RYR2: variants seen among roughly 807,000 people sequenced by gnomAD.
RYR2 encodes cardiac muscle ryanodine receptor-calcium release channel.
Under a neutral mutation model 601.1 loss-of-function variants are expected in RYR2, and 227 were observed. The observed-to-expected ratio is 0.38, with a 90% CI of 0.34 to 0.42. The LOEUF (loss-of-function observed/expected upper bound fraction) is 0.42, where lower values mean the gene tolerates loss of function less well. Among genes scored for constraint, RYR2 ranks in the 10% least tolerant of loss-of-function variants. RYR2 has a pLI of 1.00. For synonymous variants in RYR2, 2,223 were observed against 2,175.1 expected (o/e 1.02, Z -0.61); for missense variants, 4,646 against 6,156.5 (o/e 0.75, Z 8.21).
In RYR2 at chr1:237,759,864, C is replaced by T; in HGVS notation, c.11402+12C>T. 6.3e-7 allele frequency: 1 copy of T among 1,579,444 alleles called. No homozygotes were observed. Among genetic ancestry groups the T allele is most frequent in the Non-Finnish European group, 8.7e-7 (1 of 1,153,388 alleles). Reference sequence around the variant, plus strand: ...ATGCAGTCATGTAGGTAAGGACTCACTTCCTTCTTGGGGGTTCTACTCAGT... The same window carrying T: ...ATGCAGTCATGTAGGTAAGGACTCATTTCCTTCTTGGGGGTTCTACTCAGT... On this transcript the variant is annotated intron_variant, in intron 83 of 104. Coordinates refer to ENST00000366574, the MANE Select transcript of RYR2 (RefSeq NM_001035.3).
At chr1:237,494,498 G>C (rs1012274429) in intron 19 of RYR2, among the ~76,000 whole-genome samples, 6 of 151,974 alleles carry the variant, frequency 3.9e-5, no homozygotes, top group African/African-American at 1.2e-4. Flanking sequence ...AGGATGGGTC[G>C]GCCTCTCCCA....
intron 88 of RYR2, among the ~76,000 whole-genome samples, chr1:237,780,796 A>G (rs958779844): frequency 6.6e-6 from 1 of 152,216 alleles, no homozygotes; most frequent in Non-Finnish European, 1.5e-5. Context: ...TGGTTAATTT[A>G]TCTAACAAAT....
At chr1:237,699,171 T>C in intron 64 of RYR2, 146 bp downstream of exon 64, 2 of 457,872 alleles carry the variant, frequency 4.4e-6, no homozygotes, top group Non-Finnish European at 3.9e-6. Context: ...AAAAACTTTT[T>C]AAAATTAATA....
intron 5 of RYR2, among the ~76,000 whole-genome samples, chr1:237,367,410 T>C (rs1316677448): frequency 6.6e-6 from 1 of 152,218 alleles, no homozygotes; most frequent in Admixed American, 6.5e-5. Flanking sequence ...AAAGTGGTTT[T>C]TCAGCAGTTT....
At chr1:237,503,773 T>G (rs999152593) in intron 22 of RYR2, among the ~76,000 whole-genome samples, 5 of 152,138 alleles carry the variant, frequency 3.3e-5, no homozygotes, top group African/African-American at 1.2e-4. Context: ...AGTGGTGCAA[T>G]CTCGGCTCGC....
chr1:237,044,865 C>T (rs1179630100), intron 1 of RYR2, among the ~76,000 whole-genome samples: 1 of 149,236 alleles, frequency 6.7e-6, no homozygotes, highest in Non-Finnish European at 1.5e-5. Flanking sequence ...TAGTATAGTT[C>T]CCACATTGAA....
At chr1:237,588,422 T>A (rs887341595) in intron 29 of RYR2, among the ~76,000 whole-genome samples, 1 of 152,208 alleles carries the variant, frequency 6.6e-6, no homozygotes, top group African/African-American at 2.4e-5. Context: ...TGTTGGCTTA[T>A]TCTTAGGATC....
At chr1:237,677,321 T>G (rs938537755) in intron 60 of RYR2, among the ~76,000 whole-genome samples, 1 of 152,304 alleles carries the variant, frequency 6.6e-6, no homozygotes, top group African/African-American at 2.4e-5. Flanking sequence ...TATTAATATA[T>G]GCATGAACCT....
Position 237,550,545 on chromosome 1 carries a change from A to T in RYR2, c.3068A>T (p.Asp1023Val). The T allele has an allele frequency of 6.2e-7, 1 of 1,608,804 alleles. No individual in the cohort carries two copies. The highest frequency in any genetic ancestry group is 8.5e-7 in the Non-Finnish European group (1 of 1,177,686). The stretch of plus-strand genomic sequence containing the variant: ...GCTGCACCCTGTGTTTTCCTGCAGG[A>T]CGTAAAGAACAGAAGAAATCCTCGC... ...RQGWTYGIQQ[D>V]VKNRRNPRLV... Residue 1023 changes from aspartate to valine, a missense_variant and splice_region_variant, in exon 27 of 105, where the codon GAC becomes GTC. Physicochemically the swap from Asp to Val is radical, Grantham distance 152. Around this residue, in one of 17 missense-constraint regions of RYR2, gnomAD observed 1,807 missense variants for 2,088.1 expected, o/e 0.87. Transcript: ENST00000366574.
chr1:237,452,965 T>C (rs1469681595), intron 14 of RYR2, among the ~76,000 whole-genome samples: 2 of 152,058 alleles, frequency 1.3e-5, no homozygotes, highest in Admixed American at 6.6e-5. Flanking sequence ...TTTATTTCAA[T>C]GTAATAACCT....
chr1:237,781,455 A>G (rs764935250), intron 88 of RYR2, 110 bp from the exon 89 acceptor site: 18 of 613,960 alleles, frequency 2.9e-5, no homozygotes, highest in Non-Finnish European at 5.3e-5. Context: ...ATAATGCTTC[A>G]AGTGGTTACT....
intron 2 of RYR2, among the ~76,000 whole-genome samples, chr1:237,303,786 G>A (rs1318566059): frequency 2.0e-5 from 3 of 152,118 alleles, no homozygotes; most frequent in Non-Finnish European, 4.4e-5. Context: ...CTGCCTCAGT[G>A]ATAACTCAAA....
chr1:237,312,169 G>C (rs756335831), intron 2 of RYR2, among the ~76,000 whole-genome samples: 2 of 152,144 alleles, frequency 1.3e-5, no homozygotes, highest in African/African-American at 2.4e-5. Flanking sequence ...GTTATGAAGG[G>C]TGTTCATAAA....
At position 237,106,987 on chromosome 1, in the gene RYR2, G is replaced by C. The variant is rs184364859; in HGVS notation, c.48+64418G>C. On this transcript the variant is annotated intron_variant, in intron 1 of 104. Transcript: ENST00000366574. This position sits in a 1 kb window ranked among gnomAD's most constrained non-coding sequence, Gnocchi z 4.4. ...AGATTTTAACATATGATTTTGGGGG[G>C]ACTGAGGGACATAAACATTTAGTCT... Among the ~76,000 whole-genome samples, 1 of 152,118 alleles carries C rather than the reference G, an allele frequency of 6.6e-6. No homozygotes were observed. Among genetic ancestry groups the C allele is most frequent in the East Asian group, 1.9e-4 (1 of 5,182 alleles).
chr1:237,368,476 A>G (rs1439572190), intron 5 of RYR2, among the ~76,000 whole-genome samples: 1 of 152,136 alleles, frequency 6.6e-6, no homozygotes, highest in Non-Finnish European at 1.5e-5. Flanking sequence ...ATGATTGAAG[A>G]TGAGGCTAGA....
chr1:237,312,447 C>G (rs528324300), intron 2 of RYR2, among the ~76,000 whole-genome samples: 2 of 152,158 alleles, frequency 1.3e-5, no homozygotes, highest in African/African-American at 4.8e-5. Context: ...TTAAGTGTCC[C>G]GCACTTGCAG....
intron 12 of RYR2, among the ~76,000 whole-genome samples, chr1:237,430,354 G>A (rs1306059768): frequency 1.3e-5 from 2 of 151,524 alleles, no homozygotes; most frequent in African/African-American, 2.4e-5. Context: ...GTTGTAAATT[G>A]TAATATAGGT....
intron 40 of RYR2, among the ~76,000 whole-genome samples, chr1:237,627,574 A>C (rs764384344): frequency 2.6e-5 from 4 of 152,212 alleles, no homozygotes; most frequent in South Asian, 4.1e-4. Flanking sequence ...TAATTATAAG[A>C]ATGATTTTTA....
chr1:237,739,087 C>T (rs369895434), intron 79 of RYR2, among the ~76,000 whole-genome samples: 10 of 152,184 alleles, frequency 6.6e-5, no homozygotes, highest in African/African-American at 2.4e-4. Flanking sequence ...AACATCACTT[C>T]TTTCTGAAAC....
Sources: gnomAD v4.1 joint callset for allele counts (sites outside exome capture counted in the v4.1 genomes callset) on GRCh38, gnomAD v4.1.1 for gene constraint, gnomAD v4.1.1 regional missense constraint, Gnocchi (gnomAD v3.1) non-coding constraint, MANE v1.5 for transcripts, NCBI Gene and HGNC (gene_info 2026-07-23, HGNC 2026-07-21) for gene names.